The following HECW1 variants were observed in gnomAD, a reference collection of about 807,000 sequenced individuals.
The protein encoded by HECW1 is HECT, C2 and WW domain containing E3 ubiquitin protein ligase 1, also known as E3 ubiquitin-protein ligase HECW1.
In HECW1, 61 loss-of-function variants were observed where a neutral mutation model predicts 182.3. The ratio of observed to expected loss-of-function variants is 0.33; its 90% CI spans 0.27 to 0.41. The LOEUF (loss-of-function observed/expected upper bound fraction) is 0.41, where lower values mean the gene tolerates loss of function less well. HECW1 is among the 10% of genes least tolerant of loss of function. The pLI is 1.00. For synonymous variants in HECW1, 859 were observed against 832.6 expected, an observed-to-expected ratio of 1.03 and a Z score of -0.55; for missense variants, 1,739 against 2,108.9, an observed-to-expected ratio of 0.82 and a Z score of 3.44.
intron 3 of HECW1, among the ~76,000 whole-genome samples, chr7:43,302,955 G>T (rs917816717): frequency 6.6e-6 from 1 of 151,118 alleles, no homozygotes; most frequent in African/African-American, 2.4e-5. Flanking sequence ...ACACATGCGC[G>T]CACACACACA....
intron 7 of HECW1, among the ~76,000 whole-genome samples, chr7:43,405,026 C>T (rs1247233267): frequency 2.0e-5 from 3 of 152,078 alleles, no homozygotes; most frequent in Admixed American, 6.6e-5. Context: ...ATCAAAGAGG[C>T]GGGTTCAAAT....
At chr7:43,175,552 C>T (rs536400957) in intron 2 of HECW1, among the ~76,000 whole-genome samples, 1 of 152,252 alleles carries the variant, frequency 6.6e-6, no homozygotes, top group African/African-American at 2.4e-5. Context: ...TTAGGAGTTT[C>T]CCTTACGGTG....
intron 5 of HECW1, among the ~76,000 whole-genome samples, chr7:43,358,799 A>T (rs1489033832): frequency 6.8e-6 from 1 of 146,446 alleles, no homozygotes; most frequent in East Asian, 2.0e-4. Context: ...CCAGGAAGGG[A>T]GGATCCTTAA....
intron 2 of HECW1, among the ~76,000 whole-genome samples, chr7:43,214,231 G>A (rs1372813172): frequency 1.3e-5 from 2 of 151,144 alleles, no homozygotes; most frequent in Non-Finnish European, 2.9e-5. Flanking sequence ...ATACATGGAT[G>A]TACATACATG....
intron 2 of HECW1, among the ~76,000 whole-genome samples, chr7:43,165,314 A>C (rs10263551): frequency 0.1 from 15,525 of 151,652 alleles, 1,109 homozygotes; most frequent in African/African-American, 0.21. Flanking sequence ...TGTGCATACA[A>C]TTTCCAACTT....
intron 3 of HECW1, among the ~76,000 whole-genome samples, chr7:43,278,667 A>C (rs1803496273): frequency 6.7e-6 from 1 of 149,038 alleles, no homozygotes; most frequent in Non-Finnish European, 1.5e-5. Context: ...CCTCCCTGCC[A>C]CTCCCCAGGT....
intron 3 of HECW1, chr7:43,274,196 TG>T: frequency 1.9e-6 from 1 of 513,246 alleles, no homozygotes; most frequent in Non-Finnish European, 3.4e-6. Context: ...TACAAGGTGG[TG>T]GTCTCTCTTT....
intron 5 of HECW1, among the ~76,000 whole-genome samples, chr7:43,329,673 T>C (rs1292922076): frequency 6.6e-6 from 1 of 152,056 alleles, no homozygotes; most frequent in East Asian, 1.9e-4. Flanking sequence ...CAGGCTGAAG[T>C]GTCTGTGGGC....
At chr7:43,231,611 T>A (rs1292695463) in intron 2 of HECW1, among the ~76,000 whole-genome samples, 2 of 152,062 alleles carry the variant, frequency 1.3e-5, no homozygotes, top group Admixed American at 1.3e-4. Context: ...GGTGAAGATA[T>A]AGGAATTCAG....
Position 43,541,144 on chromosome 7 carries a change from T to C in HECW1, c.4020-19T>C. ...GTAAATTTCCACTTACCGATTTCTC[T>C]GCCTTGTCTGTGTTCCAGGTTCAGG... On this transcript the variant is annotated intron_variant, in intron 24 of 29. Transcript: ENST00000395891. 6.3e-7 allele frequency: 1 copy of C among 1,592,150 alleles called. No homozygotes were observed. The highest frequency in any genetic ancestry group is 1.1e-5 in the South Asian group (1 of 90,588).
Position 43,501,240 on chromosome 7 carries a change from CG to C in HECW1, c.3550del (p.Val1184SerfsTer84). 6.7e-7 allele frequency: 1 copy of C among 1,488,998 alleles called. No homozygotes were observed. The highest frequency in any genetic ancestry group is 9.2e-7 in the Non-Finnish European group (1 of 1,082,030). The allele number at this position is 1,488,998 out of a possible 1,614,324, so 92.2% of individuals were successfully genotyped here. Reference sequence around the variant, plus strand: ...TCTTTGAAGAAGAGATTATGTCCTACGTCCCCCTGCAGGCTGCCTTCCACCC... The same window carrying C: ...TCTTTGAAGAAGAGATTATGTCCTACTCCCCCTGCAGGCTGCCTTCCACCC... ...SLFEEEIMSY[V>X]PLQAAFHPGY... is the part of the protein sequence containing the mutation. On this transcript the variant is annotated frameshift_variant, in exon 21 of 30. Coordinates refer to ENST00000395891, the MANE Select transcript of HECW1 (RefSeq NM_015052.5). LOFTEE classifies it high-confidence loss of function.
intron 24 of HECW1, among the ~76,000 whole-genome samples, chr7:43,520,650 G>GT (rs77655170): frequency 4.6e-5 from 7 of 150,946 alleles, no homozygotes; most frequent in Non-Finnish European, 7.4e-5. Context: ...CTACTTTAAG[G>GT]TTTTTTTTAA....
At chr7:43,519,073 C>T (rs755802703) in intron 24 of HECW1, among the ~76,000 whole-genome samples, 1 of 152,018 alleles carries the variant, frequency 6.6e-6, no homozygotes. Context: ...TTTATTGAGC[C>T]CTTATTATGG....
intron 5 of HECW1, among the ~76,000 whole-genome samples, chr7:43,324,135 A>C (rs893497116): frequency 4.6e-5 from 7 of 152,230 alleles, no homozygotes; most frequent in Non-Finnish European, 8.8e-5. Flanking sequence ...CAGACTTGAG[A>C]AGATGTTGGT....
At chr7:43,356,952 A>G (rs1040728057) in intron 5 of HECW1, among the ~76,000 whole-genome samples, 3 of 152,224 alleles carry the variant, frequency 2.0e-5, no homozygotes, top group African/African-American at 7.2e-5. Flanking sequence ...CATTTCTTAA[A>G]AGAAGACAGA....
chr7:43,356,560 G>A (rs1182924871), intron 5 of HECW1, among the ~76,000 whole-genome samples: 1 of 152,142 alleles, frequency 6.6e-6, no homozygotes, highest in Non-Finnish European at 1.5e-5. Context: ...GACATCTATA[G>A]AACATTTCAC....
At chr7:43,221,973 T>A (rs988153073) in intron 2 of HECW1, among the ~76,000 whole-genome samples, 1 of 152,176 alleles carries the variant, frequency 6.6e-6, no homozygotes, top group African/African-American at 2.4e-5. Context: ...GACCAGAGTG[T>A]CCTCACCTGG....
intron 8 of HECW1, among the ~76,000 whole-genome samples, chr7:43,409,501 A>T (rs556895587): frequency 6.6e-6 from 1 of 152,366 alleles, no homozygotes; most frequent in South Asian, 2.1e-4. Flanking sequence ...CAGCACTATC[A>T]GAATGTTTTT....
At chr7:43,282,831 G>A (rs957034781) in intron 3 of HECW1, among the ~76,000 whole-genome samples, 1 of 152,132 alleles carries the variant, frequency 6.6e-6, no homozygotes, top group African/African-American at 2.4e-5. Context: ...GAAATTCCCA[G>A]TGTTGGCTGG....
Sources: allele counts gnomAD v4.1 joint callset (sites outside exome capture counted in the v4.1 genomes callset), GRCh38; gene constraint gnomAD v4.1.1; transcripts MANE v1.5; gene names NCBI Gene and HGNC (gene_info 2026-07-23, HGNC 2026-07-21).